COL19A1: variants seen among roughly 807,000 people sequenced by gnomAD.
COL19A1 encodes collagen alpha-1(XIX) chain.
Under a neutral mutation model 190.2 loss-of-function variants are expected in COL19A1, and 159 were observed. The observed-to-expected ratio is 0.84, with a 90% CI of 0.73 to 0.95. The LOEUF (loss-of-function observed/expected upper bound fraction) is 0.95. Among genes scored for constraint, COL19A1 ranks in the 40% least tolerant of loss-of-function variants. The probability of loss-of-function intolerance (pLI) is 0.00; values close to 1 mark genes in which losing one functional copy is unlikely to be tolerated. For synonymous variants in COL19A1, 509 were observed against 458.9 expected (o/e 1.11, Z -1.39); for missense variants, 1,418 against 1,431.9 (o/e 0.99, Z 0.16).
chr6:69,929,743 A>C, intron 6 of COL19A1, 43 bp downstream of exon 6: 1 of 1,509,068 alleles, frequency 6.6e-7, no homozygotes, highest in South Asian at 1.3e-5. Context: ...AAAATTTCTA[A>C]GTAAAAAAAA....
intron 9 of COL19A1, among the ~76,000 whole-genome samples, chr6:69,957,737 A>G (rs1774508663): frequency 1.3e-5 from 2 of 152,162 alleles, no homozygotes; most frequent in Admixed American, 1.3e-4. Flanking sequence ...AAAGAAAACT[A>G]ATGTGTACCT....
intron 37 of COL19A1, 149 bp downstream of exon 37, chr6:70,166,134 A>G (rs1220246942): frequency 1.1e-5 from 8 of 718,192 alleles, no homozygotes; most frequent in Non-Finnish European, 1.7e-5. Flanking sequence ...GTAGCTTTAA[A>G]GAGACCTGAT....
chr6:69,878,895 T>A (rs1302977977), intron 1 of COL19A1, among the ~76,000 whole-genome samples: 2 of 152,248 alleles, frequency 1.3e-5, no homozygotes, highest in Middle Eastern at 3.4e-3. Context: ...TCTGAAACAA[T>A]GTACAAAATG....
At chr6:69,875,570 T>C (rs1323571896) in intron 1 of COL19A1, among the ~76,000 whole-genome samples, 3 of 152,102 alleles carry the variant, frequency 2.0e-5, no homozygotes, top group Non-Finnish European at 2.9e-5. Context: ...GAGATGTGTT[T>C]GGGGTAACAC....
chr6:69,969,966 C>A (rs969085417), intron 11 of COL19A1, among the ~76,000 whole-genome samples: 14 of 152,162 alleles, frequency 9.2e-5, no homozygotes, highest in Admixed American at 4.6e-4. Context: ...TCTTTAGCCT[C>A]CTTGCTCAGA....
At chr6:69,918,026 G>A (rs1481183790) in intron 4 of COL19A1, among the ~76,000 whole-genome samples, 1 of 152,158 alleles carries the variant, frequency 6.6e-6, no homozygotes, top group Non-Finnish European at 1.5e-5. Context: ...AATGAGCCTA[G>A]TGTGTTCAAG....
chr6:70,007,887 A>G (rs1397838488), intron 11 of COL19A1, among the ~76,000 whole-genome samples: 4 of 151,970 alleles, frequency 2.6e-5, no homozygotes, highest in East Asian at 1.9e-4. Flanking sequence ...TTTGGTCACA[A>G]TGGAATTAAA....
chr6:69,933,890 T>A (rs1170496730), intron 7 of COL19A1, among the ~76,000 whole-genome samples: 1 of 151,976 alleles, frequency 6.6e-6, no homozygotes, highest in East Asian at 1.9e-4. Context: ...CAGAAAGATA[T>A]TCAAAGGGGA....
chr6:69,936,582 T>C (rs541567848), intron 7 of COL19A1, among the ~76,000 whole-genome samples: 3 of 152,132 alleles, frequency 2.0e-5, no homozygotes, highest in Non-Finnish European at 4.4e-5. Flanking sequence ...TTCTTGCATG[T>C]TGTCAGTATA....
intron 46 of COL19A1, 33 bp from the exon 47 acceptor site, chr6:70,188,042 G>C: frequency 6.2e-7 from 1 of 1,611,686 alleles, no homozygotes; most frequent in Non-Finnish European, 8.5e-7. Flanking sequence ...TGCTAGAAGA[G>C]ATTATTCTTT....
intron 48 of COL19A1, among the ~76,000 whole-genome samples, chr6:70,194,334 G>C (rs1021165315): frequency 1.3e-5 from 2 of 152,116 alleles, no homozygotes; most frequent in Non-Finnish European, 2.9e-5. Flanking sequence ...TGACCCACCT[G>C]GTGATACAAT....
At chr6:69,946,323 G>C (rs1223250523) in intron 9 of COL19A1, among the ~76,000 whole-genome samples, 2 of 151,822 alleles carry the variant, frequency 1.3e-5, no homozygotes, top group African/African-American at 2.4e-5. Context: ...AACATATTTT[G>C]GTTTAACTAA....
chr6:70,017,893 A>T (rs763456158), intron 11 of COL19A1, among the ~76,000 whole-genome samples: 2 of 152,146 alleles, frequency 1.3e-5, no homozygotes, highest in Non-Finnish European at 2.9e-5. Flanking sequence ...GGTACAAGTC[A>T]ATCTGGAGTG....
At chr6:70,156,602 GATT>G in intron 33 of COL19A1, 65 bp from the exon 34 acceptor site, 1 of 1,536,268 alleles carries the variant, frequency 6.5e-7, no homozygotes. Context: ...TCTTAGAAGA[GATT>G]TTTTTCATTT....
intron 2 of COL19A1, among the ~76,000 whole-genome samples, chr6:69,895,983 C>T (rs1448910316): frequency 6.6e-6 from 1 of 152,014 alleles, no homozygotes; most frequent in South Asian, 2.1e-4. Flanking sequence ...CTCCTTTCTC[C>T]TGGTTCATTG....
intron 42 of COL19A1, among the ~76,000 whole-genome samples, chr6:70,179,126 A>G (rs1174949792): frequency 1.3e-5 from 2 of 152,162 alleles, no homozygotes; most frequent in Non-Finnish European, 1.5e-5. Flanking sequence ...AGCACAGGCA[A>G]GCTGTGGGGA....
intron 11 of COL19A1, among the ~76,000 whole-genome samples, chr6:69,967,918 G>A (rs564365205): frequency 6.4e-5 from 9 of 141,540 alleles, no homozygotes; most frequent in African/African-American, 1.2e-4. Flanking sequence ...CTACTATAAC[G>A]TAGCGTAAAG....
chr6:69,874,760 A>T (rs1421013002), intron 1 of COL19A1, among the ~76,000 whole-genome samples: 3 of 149,478 alleles, frequency 2.0e-5, no homozygotes, highest in Non-Finnish European at 3.0e-5. Context: ...CAAAAAAAAT[A>T]AAAAAAAAAG....
chr6:70,036,374 C>A (rs1162959832), intron 14 of COL19A1, among the ~76,000 whole-genome samples: 1 of 152,178 alleles, frequency 6.6e-6, no homozygotes, highest in African/African-American at 2.4e-5. Context: ...TACATTCTCC[C>A]AACACTTTCC....
Sources: gnomAD v4.1 joint callset for allele counts (sites outside exome capture counted in the v4.1 genomes callset) on GRCh38, gnomAD v4.1.1 for gene constraint, MANE v1.5 for transcripts, NCBI Gene and HGNC (gene_info 2026-07-23, HGNC 2026-07-21) for gene names.